C2orf74: variants seen among roughly 807,000 people sequenced by gnomAD.
C2orf74 encodes the protein DPM1 ER membrane anchor 1.
A neutral mutation model predicts 17.9 loss-of-function variants in C2orf74; 14 were observed. The ratio of observed to expected loss-of-function variants is 0.78; its 90% CI spans 0.52 to 1.22. The LOEUF (loss-of-function observed/expected upper bound fraction) is 1.22. Ranked by LOEUF, C2orf74 falls within the 50% of genes most tolerant of loss-of-function variation. The pLI is 0.00. For synonymous variants in C2orf74, 79 were observed against 72.6 expected, an observed-to-expected ratio of 1.09 and a Z score of -0.44; for missense variants, 217 against 218.4, an observed-to-expected ratio of 0.99 and a Z score of 0.04.
At chr2:61,159,940 CTA>C (rs753788931), upstream of C2orf74, among the ~76,000 whole-genome samples, 52 of 152,288 alleles carry the variant, frequency 3.4e-4, no homozygotes, top group Middle Eastern at 0.01. Flanking sequence ...TTTCATAATT[CTA>C]AATTGAAACT....
Position 61,164,477 on chromosome 2 carries a change from G to A in C2orf74, c.514G>A (p.Glu172Lys). 1 of 1,550,814 alleles carries A rather than the reference G, an allele frequency of 6.4e-7. No homozygotes were observed. Among genetic ancestry groups the A allele is most frequent in the Non-Finnish European group, 8.7e-7 (1 of 1,146,678 alleles). ...GGTAATTGTTGTGGATCTTGGGAAT[G>A]AATACCCTACACCTCGAAGCTATAC... is the stretch of plus-strand genomic sequence containing the variant. ...REVIVVDLGN[E>K]YPTPRSYTRE... is the part of the protein sequence containing the mutation. The change falls in exon 5 of 5, where the codon GAA (glutamate) becomes AAA (lysine). Residue 172 changes from glutamate to lysine, a missense_variant. Physicochemically the swap from Glu to Lys is moderately conservative, Grantham distance 56. Coordinates refer to ENST00000432605, the MANE Select transcript of C2orf74 (RefSeq NM_001143959.4).
chr2:61,160,578 G>C (rs1264461963), upstream of C2orf74, among the ~76,000 whole-genome samples: 1 of 151,262 alleles, frequency 6.6e-6, no homozygotes, highest in East Asian at 1.9e-4. Context: ...GCACGATCTT[G>C]GCTCACTGTA....
intron 4 of C2orf74, 116 bp from the exon 5 acceptor site, chr2:61,164,238 C>T: frequency 1.2e-6 from 1 of 817,142 alleles, no homozygotes; most frequent in Non-Finnish European, 1.8e-6. Flanking sequence ...TTTCCTATAT[C>T]ATTTAGAAAT....
In C2orf74 at chr2:61,164,688, C is replaced by G; in HGVS notation, c.*161C>G. 2 of 526,958 alleles carry G rather than the reference C, an allele frequency of 3.8e-6. No individual in the cohort carries two copies. The highest frequency in any genetic ancestry group is 6.1e-6 in the Non-Finnish European group (2 of 327,182). The allele number at this position is 526,958 out of a possible 1,614,324, so 32.6% of individuals were successfully genotyped here. On this transcript the variant is annotated 3_prime_UTR_variant, in exon 5 of 5. Transcript: ENST00000432605. The stretch of plus-strand genomic sequence containing the variant: ...AAAGGAGTGAGCCATGTGCAAAATT[C>G]TGTAAGTAAAATACTTAGAGCTTGA...
chr2:61,149,012 G>A (rs1685147289), intron 1 of C2orf74, among the ~76,000 whole-genome samples: 9 of 152,324 alleles, frequency 5.9e-5, no homozygotes, highest in Admixed American at 5.2e-4. Context: ...CTACTCTAGA[G>A]AAATAAGGTT....
intron 4 of C2orf74, among the ~76,000 whole-genome samples, chr2:61,164,128 T>C (rs1431414872): frequency 6.6e-6 from 1 of 152,102 alleles, no homozygotes; most frequent in South Asian, 2.1e-4. Flanking sequence ...GACCACTTCA[T>C]GGAGAGAATT....
upstream of C2orf74, among the ~76,000 whole-genome samples, chr2:61,157,628 C>G (rs931879998): frequency 1.3e-5 from 2 of 152,160 alleles, no homozygotes; most frequent in African/African-American, 4.8e-5. Context: ...CTGTCTTTCT[C>G]CATACTCTCA....
intron 1 of C2orf74, among the ~76,000 whole-genome samples, chr2:61,148,653 A>G (rs909573451): frequency 4.6e-5 from 7 of 152,082 alleles, no homozygotes. Flanking sequence ...CTATTGTCTT[A>G]TTGATTTACA....
At chr2:61,149,372 C>G (rs1685158162) in intron 1 of C2orf74, among the ~76,000 whole-genome samples, 2 of 152,058 alleles carry the variant, frequency 1.3e-5, no homozygotes, top group African/African-American at 2.4e-5. Flanking sequence ...GACCTTCGTT[C>G]TATTCCACAG....
chr2:61,156,269 G>A (rs1202020370), intron 1 of C2orf74, among the ~76,000 whole-genome samples: 1 of 151,916 alleles, frequency 6.6e-6, no homozygotes, highest in East Asian at 1.9e-4. Context: ...TGGGTTCTGT[G>A]GCTCATGCCT....
chr2:61,157,144 G>A (rs1490096356), intron 1 of C2orf74, among the ~76,000 whole-genome samples: 2 of 152,134 alleles, frequency 1.3e-5, no homozygotes, highest in Non-Finnish European at 2.9e-5. Flanking sequence ...GGGTTCAAGC[G>A]AGTCTCCTGC....
At chr2:61,152,853 A>T (rs1685274310) in intron 1 of C2orf74, among the ~76,000 whole-genome samples, 2 of 2,724 alleles carry the variant, frequency 7.3e-4, no homozygotes, top group African/African-American at 9.7e-4. Context: ...CATCTCACCA[A>T]AAAAAAAAAA....
In C2orf74 at chr2:61,163,108, A is replaced by G; in HGVS notation, c.266A>G (p.Gln89Arg). The stretch of plus-strand genomic sequence containing the variant: ...CCGATGAGGCCTGGCATTCTTGTCC[A>G]GAGACAGAGTAAGGAAGTGTTGGCC... ...NVPMRPGILVQRQSKEVLATP... is the reference protein window; with the variant it reads ...NVPMRPGILVRRQSKEVLATP... Residue 89 changes from glutamine to arginine, a missense_variant, in exon 4 of 5, where the codon CAG (glutamine) becomes CGG (arginine). Gln to Arg is a conservative substitution (Grantham distance 43). Coordinates refer to ENST00000432605, the MANE Select transcript of C2orf74 (RefSeq NM_001143959.4). The G allele has an allele frequency of 5.8e-6, 9 of 1,552,208 alleles. No individual in the cohort carries two copies. Among genetic ancestry groups the G allele is most frequent in the African/African-American group, 1.4e-5 (1 of 73,180 alleles).
chr2:61,162,153 A>G (rs1035321687), upstream of C2orf74: 3 of 231,406 alleles, frequency 1.3e-5, no homozygotes, highest in African/African-American at 6.9e-5. Flanking sequence ...CTGACGAGAG[A>G]AGAATGGGGA....
chr2:61,164,595 A>G lies in C2orf74; in HGVS notation c.*68A>G. On this transcript the variant is annotated 3_prime_UTR_variant, in exon 5 of 5. Coordinates refer to ENST00000432605, the MANE Select transcript of C2orf74 (RefSeq NM_001143959.4). ...CTAACGTTGAAAGACTGAGGGTACA[A>G]AATCATGTTGAAACAACAAAACAAT... 8.1e-7 allele frequency: 1 copy of G among 1,239,504 alleles called. No homozygotes were observed. The highest frequency in any genetic ancestry group is 1.1e-6 in the Non-Finnish European group (1 of 938,432). The allele number at this position is 1,239,504 out of a possible 1,614,324, so 76.8% of individuals were successfully genotyped here. A position where few individuals can be genotyped will look rare whatever the true frequency, so the allele number is the denominator to read the frequency against.
At position 61,162,237 on chromosome 2, in the gene C2orf74, G is replaced by A. The variant is rs986757694; in HGVS notation, c.-183G>A. ...ATAGTTTTTGGGGTGAGGGAGGTGA[G>A]CTGCGTGATCACACATGTCCCAGCT... is the stretch of plus-strand genomic sequence containing the variant. On this transcript the variant is annotated 5_prime_UTR_variant, in exon 1 of 5. Coordinates refer to ENST00000432605, the MANE Select transcript of C2orf74 (RefSeq NM_001143959.4). The A allele has an allele frequency of 2.3e-6, 1 of 440,130 alleles. No homozygotes were observed. The highest frequency in any genetic ancestry group is 4.0e-6 in the Non-Finnish European group (1 of 249,664). The allele number at this position is 440,130 out of a possible 1,614,324, so 27.3% of individuals were successfully genotyped here.
chr2:61,153,045 G>A (rs1311395005), intron 1 of C2orf74, among the ~76,000 whole-genome samples: 11 of 151,076 alleles, frequency 7.3e-5, no homozygotes, highest in African/African-American at 2.2e-4. Context: ...CCAGCTACTC[G>A]GGAGGCTGAG....
intron 1 of C2orf74, among the ~76,000 whole-genome samples, chr2:61,148,111 T>A (rs1367331571): frequency 1.4e-5 from 2 of 147,892 alleles, no homozygotes; most frequent in Non-Finnish European, 3.0e-5. Flanking sequence ...ATATATGGAA[T>A]ATATATATTT....
chr2:61,145,128 ATGT>A (rs943312352), exon 1 of C2orf74: 2 of 152,316 alleles, frequency 1.3e-5, no homozygotes, highest in Admixed American at 6.5e-5. Flanking sequence ...ATCCGAGGAC[ATGT>A]TGACGTCGTC....
Sources: gnomAD v4.1 joint callset for allele counts (sites outside exome capture counted in the v4.1 genomes callset) on GRCh38, gnomAD v4.1.1 for gene constraint, MANE v1.5 for transcripts, NCBI Gene and HGNC (gene_info 2026-07-23, HGNC 2026-07-21) for gene names.